Variants in GOLGB1 observed in about 807,000 individuals in gnomAD.
The protein encoded by GOLGB1 is golgin subfamily B member 1.
GOLGB1 carries 174 observed loss-of-function variants against 336.9 expected under a neutral mutation model. The ratio of observed to expected loss-of-function variants is 0.52; its 90% CI spans 0.46 to 0.59. The LOEUF is 0.59. GOLGB1 is among the 20% of genes least tolerant of loss of function. GOLGB1 has a pLI of 0.00. For synonymous variants in GOLGB1, 1,208 were observed against 1,289.2 expected, an observed-to-expected ratio of 0.94 and a Z score of 1.35; for missense variants, 3,331 against 3,645.3, an observed-to-expected ratio of 0.91 and a Z score of 2.22.
At chr3:121,710,917 C>T (rs898590632) in intron 10 of GOLGB1, among the ~76,000 whole-genome samples, 7 of 151,648 alleles carry the variant, frequency 4.6e-5, no homozygotes, top group African/African-American at 7.3e-5. Flanking sequence ...CAGTGGCTCA[C>T]GCCTGTAATG....
At chr3:121,684,049 A>C (rs1331979813) in intron 14 of GOLGB1, among the ~76,000 whole-genome samples, 1 of 145,744 alleles carries the variant, frequency 6.9e-6, no homozygotes, top group Non-Finnish European at 1.5e-5. Context: ...AATCGCTTGA[A>C]TTCAGGAGGC....
At chr3:121,740,228 CA>C (rs1159471433) in intron 1 of GOLGB1, among the ~76,000 whole-genome samples, 1 of 152,058 alleles carries the variant, frequency 6.6e-6, no homozygotes, top group Non-Finnish European at 1.5e-5. Context: ...AATGAATATA[CA>C]AGTAAAACTG....
chr3:121,722,639 G>A (rs984856036), intron 5 of GOLGB1, among the ~76,000 whole-genome samples: 1 of 152,038 alleles, frequency 6.6e-6, no homozygotes, highest in African/African-American at 2.4e-5. Context: ...AAAAACCACA[G>A]ATAACATTTA....
rs556417714 is a variant in GOLGB1 at position 121,742,583 on chromosome 3, A to G, written c.-3+7049T>C. 3.9e-5 allele frequency among the ~76,000 whole-genome samples: 6 copies of G among 152,342 alleles called. No individual in the cohort carries two copies. In the South Asian group the frequency reaches 1.2e-3, roughly 32 times the overall value. ...GCAAAGACTTCATGACTAAAACACC[A>G]AAAGCAATGGCAAAAAAAGCCAAAA... On this transcript the variant is annotated intron_variant, in intron 1 of 21. Transcript: ENST00000614479.
Position 121,696,955 on chromosome 3 carries a change from T to C in GOLGB1, c.3568A>G (p.Thr1190Ala). 1 of 1,614,046 alleles carries C rather than the reference T, an allele frequency of 6.2e-7. No homozygotes were observed. ...TTTTTAAGAATTGCCTTGCGGGAGG[T>C]TAAGGCTTCCTGTAGCTTCTTTTGA... ...QLQKKLQEAL[T>A]SRKAILKKAQ... Residue 1190 changes from threonine to alanine, a missense_variant, in exon 13 of 22, where the codon ACC becomes GCC. Thr to Ala is a moderately conservative substitution (Grantham distance 58). Transcript: ENST00000614479.
At chr3:121,669,406 T>C in intron 17 of GOLGB1, 51 bp from the exon 18 acceptor site, 2 of 1,429,662 alleles carry the variant, frequency 1.4e-6, no homozygotes, top group Non-Finnish European at 1.9e-6. Context: ...TAAGCAGTGC[T>C]GAGGTGAAAT....
rs1163391013 is a variant in GOLGB1 at position 121,729,274 on chromosome 3, A to C, written c.316T>G (p.Ser106Ala). Reference sequence around the variant, plus strand: ...ATTTCTTCTATGTATTTATTCAAAGAAGTTAATTTGGCCTTCGCATGAAGT... The same window carrying C: ...ATTTCTTCTATGTATTTATTCAAAGCAGTTAATTTGGCCTTCGCATGAAGT... ...LKLHAKAKLTSLNKYIEEMKA... is the reference protein window; with the variant it reads ...LKLHAKAKLTALNKYIEEMKA... The change falls in exon 4 of 22, where the codon TCT (serine) becomes GCT (alanine). Residue 106 changes from serine to alanine, a missense_variant. Coordinates refer to ENST00000614479, the MANE Select transcript of GOLGB1 (RefSeq NM_001366282.2). 2 of 1,612,850 alleles carry C rather than the reference A, an allele frequency of 1.2e-6. No individual in the cohort carries two copies. The highest frequency in any genetic ancestry group is 2.2e-5 in the South Asian group (2 of 91,020).
At chr3:121,731,141 C>T (rs1022799301) in intron 1 of GOLGB1, among the ~76,000 whole-genome samples, 168 bp from the exon 2 acceptor site, 2 of 152,332 alleles carry the variant, frequency 1.3e-5, no homozygotes, top group Non-Finnish European at 2.9e-5. Flanking sequence ...CATTTGAGTA[C>T]TTCCAGTGTA....
Position 121,730,967 on chromosome 3 carries a change from A to C in GOLGB1, c.5T>G (p.Leu2Arg). The C allele has an allele frequency of 6.2e-7, 1 of 1,611,846 alleles. No individual in the cohort carries two copies. Among genetic ancestry groups the C allele is most frequent in the Non-Finnish European group, 8.5e-7 (1 of 1,179,478 alleles). The change falls in exon 2 of 22, where the codon CTG (leucine) becomes CGG (arginine). Residue 2 changes from leucine (L) to arginine (R), a missense_variant. Leu to Arg is a moderately radical substitution (Grantham distance 102, BLOSUM62 -2). Transcript: ENST00000614479. M[L>R]SRLSGLANVV... The stretch of plus-strand genomic sequence containing the variant: ...ATTTGCTAATCCTGATAATCGGCTC[A>C]GCATTTCTGTAGGAAAAGAAGGGGG...
At chr3:121,717,663 A>G (rs1212423083) in intron 8 of GOLGB1, among the ~76,000 whole-genome samples, 1 of 152,238 alleles carries the variant, frequency 6.6e-6, no homozygotes, top group African/African-American at 2.4e-5. Context: ...GATCATTTCA[A>G]TCTAACAGAA....
Position 121,702,542 on chromosome 3 carries a change from C to T in GOLGB1, c.1458G>A (p.Glu486=), listed in dbSNP as rs769434701. The change falls in exon 11 of 22, where the codon GAG becomes GAA. Residue 486 remains glutamate, a synonymous_variant. Coordinates refer to ENST00000614479, the MANE Select transcript of GOLGB1 (RefSeq NM_001366282.2). ...ASLQKRVVEL[E]NEKGALLLSS... is the part of the protein sequence containing the mutation. ...TAAGGAGCAAGGCTCCCTTTTCATT[C>T]TCTAGTTCTACCACTCTCTTCTGCA... 5.8e-6 allele frequency: 9 copies of T among 1,553,862 alleles called. No individual in the cohort carries two copies. Among genetic ancestry groups the T allele is most frequent in the Non-Finnish European group, 7.8e-6 (9 of 1,151,600 alleles).
At position 121,663,680 on chromosome 3, in the gene GOLGB1, C is replaced by A. The variant is rs1222746077; in HGVS notation, c.*800G>T. ...CCCCTGAGCACTGTCTCAGGGTCCA[C>A]ATTCCAGGAATATTCAGATATTCCT... On this transcript the variant is annotated 3_prime_UTR_variant, in exon 22 of 22. Transcript: ENST00000614479. The A allele has an allele frequency of 1.3e-5, 2 of 152,106 alleles. No individual in the cohort carries two copies. Among genetic ancestry groups the A allele is most frequent in the African/African-American group, 4.8e-5 (2 of 41,398 alleles). 9.4% of individuals were successfully genotyped at this position (152,106 alleles called of 1,614,324 possible).
At chr3:121,668,365 G>A (rs766055911) in intron 18 of GOLGB1, 7 of 404,632 alleles carry the variant, frequency 1.7e-5, no homozygotes, top group Non-Finnish European at 2.6e-5. Flanking sequence ...TCTCATTCTT[G>A]AATTTCTCCT....
At chr3:121,742,726 A>G (rs1032465482) in intron 1 of GOLGB1, among the ~76,000 whole-genome samples, 1 of 152,216 alleles carries the variant, frequency 6.6e-6, no homozygotes, top group Non-Finnish European at 1.5e-5. Flanking sequence ...CCATCTGACA[A>G]AGGGCTAACA....
intron 15 of GOLGB1, among the ~76,000 whole-genome samples, chr3:121,681,484 G>A (rs1253150268): frequency 6.6e-6 from 1 of 152,184 alleles, no homozygotes; most frequent in Non-Finnish European, 1.5e-5. Flanking sequence ...AAAACTGGTG[G>A]AATCTGAATG....
chr3:121,677,172 T>TA lies in GOLGB1; in HGVS notation c.9039+112dup, dbSNP rs1940508553. ...TAGTGGCAGATGGGCACTTAATTTG[T>TA]AGGAAGCTGATGCTTTCTGGGTAGC... is the stretch of plus-strand genomic sequence containing the variant. On this transcript the variant is annotated intron_variant, in intron 16 of 21. Coordinates refer to ENST00000614479, the MANE Select transcript of GOLGB1 (RefSeq NM_001366282.2). 2.4e-6 allele frequency: 3 copies of TA among 1,226,858 alleles called. No homozygotes were observed. The African/African-American group carries it at 4.6e-5, about 19-fold the overall frequency. 76.0% of individuals were successfully genotyped at this position (1,226,858 alleles called of 1,614,324 possible).
At chr3:121,744,618 C>CA (rs200070177) in intron 1 of GOLGB1, among the ~76,000 whole-genome samples, 1,208 of 59,702 alleles carry the variant, frequency 0.02, 27 homozygotes, top group African/African-American at 0.044. Flanking sequence ...GACCTTGTCT[C>CA]AAAAAAAAAA....
rs1576418776 is a variant in GOLGB1 at position 121,718,440 on chromosome 3, T to C, written c.833A>G (p.Gln278Arg). 1.2e-6 allele frequency: 2 copies of C among 1,614,078 alleles called. No individual in the cohort carries two copies. The highest frequency in any genetic ancestry group is 1.7e-6 in the Non-Finnish European group (2 of 1,179,904). Residue 278 changes from glutamine to arginine, a missense_variant, in exon 8 of 22, where the codon CAG becomes CGG. Transcript: ENST00000614479. ...EHEESLVGRA[Q>R]VVDLLQQELT... is the part of the protein sequence containing the mutation. ...CTCCTGTTGCAGCAAGTCAACGACC[T>C]GAGCACGGCCCACCAAGGATTCTTC...
In GOLGB1 at chr3:121,690,887, G is replaced by A. The variant is rs775155476; in HGVS notation, c.8477C>T (p.Ser2826Phe). ...GTTATAAGAATCTTCTAGTTGTGAG[G>A]ACAAGTGAAGCAATTGCTCATCTTT... ...LSKDEQLLHL[S>F]SQLEDSYNQV... Residue 2826 changes from serine (S) to phenylalanine (F), a missense_variant, in exon 14 of 22, where the codon TCC becomes TTC. Ser to Phe is a radical substitution (Grantham distance 155, BLOSUM62 -2). Coordinates refer to ENST00000614479, the MANE Select transcript of GOLGB1 (RefSeq NM_001366282.2). 1 of 1,614,140 alleles carries A rather than the reference G, an allele frequency of 6.2e-7. No individual in the cohort carries two copies. The highest frequency in any genetic ancestry group is 8.5e-7 in the Non-Finnish European group (1 of 1,179,968).
Sources: allele counts gnomAD v4.1 joint callset (sites outside exome capture counted in the v4.1 genomes callset), GRCh38; gene constraint gnomAD v4.1.1; transcripts MANE v1.5; gene names NCBI Gene and HGNC (gene_info 2026-07-23, HGNC 2026-07-21).